Variants in SCAND3 observed in about 807,000 individuals in gnomAD.
SCAND3 encodes the protein SCAN domain containing 3, also known as SCAN domain-containing protein 3.
the SCAND3 span, among the ~76,000 whole-genome samples, chr6:28,607,069 A>G: frequency 6.6e-6 from 1 of 152,226 alleles, no homozygotes; most frequent in South Asian, 2.1e-4. Flanking sequence ...CGGAGTTTGC[A>G]TTCATGATTT....
the SCAND3 span, among the ~76,000 whole-genome samples, chr6:28,613,886 T>G: frequency 6.6e-6 from 1 of 152,134 alleles, no homozygotes; most frequent in African/African-American, 2.4e-5. Flanking sequence ...TCCCTCCCAC[T>G]TCCACTAAAC....
At chr6:28,607,216 C>G in the SCAND3 span, among the ~76,000 whole-genome samples, 2 of 152,146 alleles carry the variant, frequency 1.3e-5, no homozygotes, top group Non-Finnish European at 2.9e-5. Context: ...GGTTCAATCC[C>G]CGGCACCTCC....
chr6:28,578,211 TGTGTG>T, the SCAND3 span, among the ~76,000 whole-genome samples: 1 of 152,242 alleles, frequency 6.6e-6, no homozygotes, highest in Non-Finnish European at 1.5e-5. Context: ...GATATGTTAC[TGTGTG>T]GTTTGGCCTC....
At chr6:28,571,998 T>C in the SCAND3 span, 1 of 1,614,052 alleles carries the variant, frequency 6.2e-7, no homozygotes, top group African/African-American at 1.3e-5. Context: ...GGGGATAATG[T>C]ATATTTAAAC....
At chr6:28,594,373 G>A in the SCAND3 span, 1 of 152,230 alleles carries the variant, frequency 6.6e-6, no homozygotes, top group Non-Finnish European at 1.5e-5. Flanking sequence ...AAATGTGCTA[G>A]GCCAGGAACA....
the SCAND3 span, chr6:28,586,822 A>T: frequency 1.0e-6 from 1 of 963,082 alleles, no homozygotes; most frequent in Non-Finnish European, 1.5e-6. This position sits in a 1 kb window ranked among gnomAD's most constrained non-coding sequence, Gnocchi z 4.4. Context: ...AAAGTTTTTG[A>T]TATAAGAAAA....
chr6:28,575,657 T>TAC, the SCAND3 span: 2 of 1,614,086 alleles, frequency 1.2e-6, no homozygotes, highest in Non-Finnish European at 1.7e-6. The surrounding 1 kb of genome is among the most constrained non-coding windows in gnomAD (Gnocchi z 4.2). Flanking sequence ...TGGCATGGTT[T>TAC]ACAGAGGGTC....
the SCAND3 span, among the ~76,000 whole-genome samples, chr6:28,605,963 C>G: frequency 2.0e-5 from 3 of 152,068 alleles, no homozygotes; most frequent in Non-Finnish European, 2.9e-5. Flanking sequence ...AAAGACAGGA[C>G]AACTAAATGC....
the SCAND3 span, chr6:28,594,092 A>G: frequency 6.6e-6 from 1 of 152,236 alleles, no homozygotes; most frequent in African/African-American, 2.4e-5. Context: ...AGATGGTAAC[A>G]AGCGTTGACA....
the SCAND3 span, chr6:28,589,533 G>A: frequency 2.0e-5 from 3 of 151,976 alleles, no homozygotes; most frequent in Non-Finnish European, 2.9e-5. Context: ...TCGAATTCTC[G>A]TCGAAAACAA....
At chr6:28,575,070 A>G in the SCAND3 span, 2 of 1,614,012 alleles carry the variant, frequency 1.2e-6, no homozygotes, top group Admixed American at 1.7e-5. The surrounding 1 kb of genome is among the most constrained non-coding windows in gnomAD (Gnocchi z 4.2). Context: ...CATTTTCTGT[A>G]TGCAAGCTGG....
the SCAND3 span, among the ~76,000 whole-genome samples, chr6:28,579,855 T>C: frequency 1.3e-5 from 2 of 152,218 alleles, no homozygotes; most frequent in African/African-American, 2.4e-5. This position sits in a 1 kb window ranked among gnomAD's most constrained non-coding sequence, Gnocchi z 4.5. Flanking sequence ...GAGAGCAGCC[T>C]GGCCAACATG....
At chr6:28,584,239 T>C in the SCAND3 span, among the ~76,000 whole-genome samples, 1 of 152,076 alleles carries the variant, frequency 6.6e-6, no homozygotes, top group African/African-American at 2.4e-5. Context: ...AGTAAAGAAG[T>C]TGTATTGGGA....
the SCAND3 span, chr6:28,570,837 G>C: frequency 6.6e-6 from 1 of 152,172 alleles, no homozygotes; most frequent in Non-Finnish European, 1.5e-5. Flanking sequence ...AGACACAAGA[G>C]CAGATATTTG....
the SCAND3 span, chr6:28,573,496 T>C: frequency 6.2e-7 from 1 of 1,613,960 alleles, no homozygotes. Context: ...TTCACTACTC[T>C]TTCTTTCAAA....
chr6:28,573,485 A>G, the SCAND3 span: 9 of 1,614,066 alleles, frequency 5.6e-6, no homozygotes, highest in Non-Finnish European at 6.8e-6. Context: ...TGGCTTTTCA[A>G]TTCACTACTC....
chr6:28,576,950 T>C, the SCAND3 span, among the ~76,000 whole-genome samples: 13 of 151,584 alleles, frequency 8.6e-5, no homozygotes, highest in East Asian at 7.8e-4. Context: ...AAGACAATAA[T>C]AGATTTTTAA....
the SCAND3 span, among the ~76,000 whole-genome samples, chr6:28,582,679 T>C: frequency 6.6e-6 from 1 of 151,998 alleles, no homozygotes; most frequent in Non-Finnish European, 1.5e-5. This position sits in a 1 kb window ranked among gnomAD's most constrained non-coding sequence, Gnocchi z 4.8. Context: ...TCCCAGCACT[T>C]TGGGAGGCTG....
the SCAND3 span, chr6:28,572,365 C>T: frequency 1.6e-5 from 26 of 1,609,654 alleles, no homozygotes; most frequent in Admixed American, 5.1e-5. This position sits in a 1 kb window ranked among gnomAD's most constrained non-coding sequence, Gnocchi z 4.1. Flanking sequence ...GATAACTTTT[C>T]GCAGATGTGC....
Sources: gnomAD v4.1 joint callset for allele counts (sites outside exome capture counted in the v4.1 genomes callset) on GRCh38, gnomAD v4.1.1 for gene constraint, Gnocchi (gnomAD v3.1) non-coding constraint, MANE v1.5 for transcripts, NCBI Gene and HGNC (gene_info 2026-07-23, HGNC 2026-07-21) for gene names.